NELL2: variants seen among roughly 807,000 people sequenced by gnomAD.
The protein encoded by NELL2 is neural EGFL like 2.
A neutral mutation model predicts 109.6 loss-of-function variants in NELL2; 41 were observed. That is an observed-to-expected ratio of 0.37 (90% CI 0.29 to 0.49). NELL2 has a LOEUF of 0.49. NELL2 is among the 20% of genes least tolerant of loss of function. The probability of loss-of-function intolerance (pLI) is 0.98; values close to 1 mark genes in which losing one functional copy is unlikely to be tolerated. For missense variants in NELL2, 900 were observed against 1,008.3 expected (o/e 0.89, Z 1.45); for synonymous variants, 355 against 344.7 (o/e 1.03, Z -0.33).
intron 2 of NELL2, among the ~76,000 whole-genome samples, chr12:44,828,985 G>C (rs1191245201): frequency 6.6e-6 from 1 of 152,068 alleles, no homozygotes; most frequent in African/African-American, 2.4e-5. Context: ...ATTGGCACTT[G>C]AGTTTATAAT....
At chr12:44,615,581 G>T (rs578250464) in intron 13 of NELL2, among the ~76,000 whole-genome samples, 1 of 152,102 alleles carries the variant, frequency 6.6e-6, no homozygotes, top group South Asian at 2.1e-4. Flanking sequence ...GTAATTGATT[G>T]CCCAACATAT....
chr12:44,582,260 A>G (rs1944349443), intron 15 of NELL2, among the ~76,000 whole-genome samples: 1 of 152,168 alleles, frequency 6.6e-6, no homozygotes, highest in Non-Finnish European at 1.5e-5. Flanking sequence ...ATTTGTGCTC[A>G]TGAATTTAAA....
intron 1 of NELL2, among the ~76,000 whole-genome samples, chr12:44,882,430 T>C (rs115225401): frequency 0.014 from 2,077 of 149,992 alleles, 69 homozygotes; most frequent in African/African-American, 0.048. Flanking sequence ...AAAGTATACA[T>C]ACATACGTGT....
intron 2 of NELL2, among the ~76,000 whole-genome samples, chr12:44,844,807 C>T (rs1944324910): frequency 1.3e-5 from 2 of 152,114 alleles, no homozygotes; most frequent in African/African-American, 4.8e-5. Context: ...GAGATCTGAT[C>T]ACAATAAACC....
intron 15 of NELL2, among the ~76,000 whole-genome samples, chr12:44,598,996 G>T (rs889445937): frequency 6.6e-6 from 1 of 152,010 alleles, no homozygotes; most frequent in South Asian, 2.1e-4. Context: ...GGGAGAAAAA[G>T]AAATGTTAGC....
chr12:44,530,101 G>C (rs537979485), intron 16 of NELL2, among the ~76,000 whole-genome samples: 2 of 152,290 alleles, frequency 1.3e-5, no homozygotes, highest in South Asian at 4.1e-4. Context: ...ACAATGATGA[G>C]TTTGATTTTT....
At chr12:44,896,271 C>G (rs1945591679) in intron 1 of NELL2, among the ~76,000 whole-genome samples, 1 of 152,052 alleles carries the variant, frequency 6.6e-6, no homozygotes, top group Admixed American at 6.6e-5. Flanking sequence ...ATGAAATACA[C>G]AGCAAAGTTT....
chr12:44,913,032 T>C (rs776997952), intron 1 of NELL2, among the ~76,000 whole-genome samples: 2 of 152,210 alleles, frequency 1.3e-5, no homozygotes, highest in Non-Finnish European at 2.9e-5. Flanking sequence ...CTTAGAAAAG[T>C]GCTTGGCATA....
intron 9 of NELL2, among the ~76,000 whole-genome samples, chr12:44,737,059 T>C (rs1024080761): frequency 6.6e-6 from 1 of 152,156 alleles, no homozygotes; most frequent in African/African-American, 2.4e-5. Flanking sequence ...ATTGAAATTT[T>C]ATCAAAATAT....
At chr12:44,594,084 C>G (rs1394184862) in intron 15 of NELL2, among the ~76,000 whole-genome samples, 1 of 149,534 alleles carries the variant, frequency 6.7e-6, no homozygotes, top group South Asian at 2.1e-4. Context: ...GGGGGGGAGT[C>G]GAACAATAAG....
At chr12:44,807,418 C>T (rs1158527315) in intron 3 of NELL2, among the ~76,000 whole-genome samples, 1 of 151,506 alleles carries the variant, frequency 6.6e-6, no homozygotes, top group Non-Finnish European at 1.5e-5. Flanking sequence ...TCATTAACGA[C>T]ATCTCTATGA....
chr12:44,920,419 T>C (rs1945860288), intron 1 of NELL2, among the ~76,000 whole-genome samples: 1 of 152,164 alleles, frequency 6.6e-6, no homozygotes, highest in Non-Finnish European at 1.5e-5. Context: ...TAAAAAGATG[T>C]GGAAGAAGAT....
intron 15 of NELL2, among the ~76,000 whole-genome samples, chr12:44,537,544 T>C (rs915452126): frequency 2.0e-5 from 3 of 152,084 alleles, no homozygotes; most frequent in Non-Finnish European, 2.9e-5. Context: ...AAATATGACA[T>C]CATTTCTCAT....
intron 10 of NELL2, among the ~76,000 whole-genome samples, 169 bp downstream of exon 10, chr12:44,714,481 A>G (rs541122038): frequency 6.6e-6 from 1 of 152,190 alleles, no homozygotes; most frequent in African/African-American, 2.4e-5. Flanking sequence ...CCACTAATTT[A>G]CATGCTTAAA....
At chr12:44,804,468 C>T (rs1372953653) in intron 3 of NELL2, among the ~76,000 whole-genome samples, 1 of 151,826 alleles carries the variant, frequency 6.6e-6, no homozygotes, top group Non-Finnish European at 1.5e-5. Flanking sequence ...TCAATTAAGA[C>T]ACCAAAACAA....
chr12:44,831,185 A>G (rs1943877302), intron 2 of NELL2, among the ~76,000 whole-genome samples: 1 of 152,068 alleles, frequency 6.6e-6, no homozygotes, highest in Admixed American at 6.6e-5. Context: ...CTTACTGTCT[A>G]AACTAATCTC....
At chr12:44,536,506 T>G (rs1326783680) in intron 15 of NELL2, among the ~76,000 whole-genome samples, 1 of 151,934 alleles carries the variant, frequency 6.6e-6, no homozygotes, top group African/African-American at 2.4e-5. Flanking sequence ...ATAGCAGACC[T>G]GGGGAAAAAA....
chr12:44,683,129 C>T (rs1256369827), intron 12 of NELL2, among the ~76,000 whole-genome samples: 2 of 152,062 alleles, frequency 1.3e-5, no homozygotes, highest in African/African-American at 4.8e-5. Flanking sequence ...TGAAGAGGTC[C>T]TTCACGTCCC....
chr12:44,679,176 T>C (rs1219400361), intron 12 of NELL2, among the ~76,000 whole-genome samples: 1 of 152,122 alleles, frequency 6.6e-6, no homozygotes, highest in Non-Finnish European at 1.5e-5. Context: ...GAGAGGTTTC[T>C]ATTCCACTGA....
Sources: allele counts gnomAD v4.1 joint callset (sites outside exome capture counted in the v4.1 genomes callset), GRCh38; gene constraint gnomAD v4.1.1; transcripts MANE v1.5; gene names NCBI Gene and HGNC (gene_info 2026-07-23, HGNC 2026-07-21).